Variants in LRMDA observed in about 807,000 individuals in gnomAD.
LRMDA encodes leucine rich melanocyte differentiation associated, also known as leucine-rich melanocyte differentiation-associated protein.
Under a neutral mutation model 29.8 loss-of-function variants are expected in LRMDA, and 18 were observed. That is an observed-to-expected ratio of 0.60 (90% CI 0.42 to 0.90). The LOEUF is 0.90. Among genes scored for constraint, LRMDA ranks in the 40% least tolerant of loss-of-function variants. The probability of loss-of-function intolerance (pLI) is 0.00; values close to 1 mark genes in which losing one functional copy is unlikely to be tolerated. For missense variants in LRMDA, 273 were observed against 273.9 expected (o/e 1.00, Z 0.02); for synonymous variants, 125 against 109.4 (o/e 1.14, Z -0.89).
intron 5 of LRMDA, among the ~76,000 whole-genome samples, chr10:76,169,286 G>A (rs1850793063): frequency 6.6e-6 from 1 of 152,142 alleles, no homozygotes; most frequent in South Asian, 2.1e-4. Context: ...AGGGAATATT[G>A]ACATTTTTGT....
intron 2 of LRMDA, among the ~76,000 whole-genome samples, chr10:76,026,218 G>T (rs190256136): frequency 6.6e-6 from 1 of 152,248 alleles, no homozygotes; most frequent in Non-Finnish European, 1.5e-5. Context: ...GGGTTACAAA[G>T]CTACACACAG....
At chr10:75,622,315 A>ATG (rs1285559457) in intron 2 of LRMDA, among the ~76,000 whole-genome samples, 13 of 77,112 alleles carry the variant, frequency 1.7e-4, no homozygotes, top group Middle Eastern at 6.3e-3. Flanking sequence ...CAGTGAAAAA[A>ATG]TATGATACCC....
chr10:76,251,572 CAT>C (rs1206384798), intron 5 of LRMDA, among the ~76,000 whole-genome samples: 1 of 152,158 alleles, frequency 6.6e-6, no homozygotes, highest in African/African-American at 2.4e-5. Context: ...TTCTAAGTAT[CAT>C]GTGGACATTT....
intron 5 of LRMDA, among the ~76,000 whole-genome samples, chr10:76,072,446 A>G (rs1395240984): frequency 1.3e-5 from 2 of 152,208 alleles, no homozygotes; most frequent in African/African-American, 2.4e-5. Context: ...GGTGCTCAGT[A>G]AAGAGAAACA....
At position 75,532,757 on chromosome 10, in the gene LRMDA, C is replaced by T. The variant is rs1031384489; in HGVS notation, c.131+94263C>T. On this transcript the variant is annotated intron_variant, in intron 2 of 6. Transcript: ENST00000611255. ...CTCAGATCCACTTTGTTAGAAATGTCGATTCCCTGACCCTACCCTAGACCT... is the reference window on the plus strand; with the variant it reads ...CTCAGATCCACTTTGTTAGAAATGTTGATTCCCTGACCCTACCCTAGACCT... Among the ~76,000 whole-genome samples the T allele has an allele frequency of 2.0e-5, 3 of 152,070 alleles. No homozygotes were observed. The East Asian group carries it at 5.8e-4, about 29-fold the overall frequency.
chr10:75,465,875 A>G (rs1308210940), intron 2 of LRMDA, among the ~76,000 whole-genome samples: 2 of 152,222 alleles, frequency 1.3e-5, no homozygotes, highest in Non-Finnish European at 2.9e-5. Context: ...TGCTTAATGA[A>G]ATACTACTTT....
intron 5 of LRMDA, among the ~76,000 whole-genome samples, chr10:76,098,122 T>C (rs989733595): frequency 2.0e-5 from 3 of 152,200 alleles, no homozygotes; most frequent in Admixed American, 2.0e-4. Flanking sequence ...GTCTATAGTT[T>C]TCTTGTGATA....
At chr10:76,097,304 C>T (rs1249579070) in intron 5 of LRMDA, among the ~76,000 whole-genome samples, 1 of 152,206 alleles carries the variant, frequency 6.6e-6, no homozygotes, top group Non-Finnish European at 1.5e-5. Flanking sequence ...AGCCACCGTG[C>T]CCGGCTTCAT....
chr10:75,767,959 G>T (rs1416362424), intron 2 of LRMDA, among the ~76,000 whole-genome samples: 2 of 152,202 alleles, frequency 1.3e-5, no homozygotes. Context: ...TGGCCTTGGA[G>T]ACTGTGGTGA....
At chr10:75,682,266 A>C (rs1842031823) in intron 2 of LRMDA, among the ~76,000 whole-genome samples, 1 of 152,232 alleles carries the variant, frequency 6.6e-6, no homozygotes, top group South Asian at 2.1e-4. Flanking sequence ...AGAATCTGGC[A>C]CACAGTAGAC....
intron 6 of LRMDA, among the ~76,000 whole-genome samples, chr10:76,430,128 T>C (rs1171667724): frequency 5.3e-5 from 8 of 152,340 alleles, no homozygotes; most frequent in African/African-American, 1.9e-4. Flanking sequence ...TTGAGAAATA[T>C]GTCGGAAACA....
At chr10:76,445,919 T>C (rs1221582825) in intron 6 of LRMDA, among the ~76,000 whole-genome samples, 1 of 152,228 alleles carries the variant, frequency 6.6e-6, no homozygotes, top group Non-Finnish European at 1.5e-5. Flanking sequence ...TCATATGGAC[T>C]TCAGATCATT....
At chr10:76,341,297 A>G (rs2132420096) in intron 6 of LRMDA, among the ~76,000 whole-genome samples, 1 of 152,320 alleles carries the variant, frequency 6.6e-6, no homozygotes, top group African/African-American at 2.4e-5. Context: ...TGGAAAAATC[A>G]TAGGCTATGA....
At chr10:76,337,319 C>T (rs569322077) in intron 6 of LRMDA, among the ~76,000 whole-genome samples, 1 of 152,180 alleles carries the variant, frequency 6.6e-6, no homozygotes, top group Non-Finnish European at 1.5e-5. Flanking sequence ...AATAAAACCA[C>T]CACATGGTAT....
intron 6 of LRMDA, among the ~76,000 whole-genome samples, chr10:76,454,949 C>T (rs1842442848): frequency 6.6e-6 from 1 of 152,164 alleles, no homozygotes; most frequent in Non-Finnish European, 1.5e-5. Flanking sequence ...CTCTTTATTC[C>T]ATGTGACTTG....
intron 2 of LRMDA, among the ~76,000 whole-genome samples, chr10:75,928,367 C>A (rs571167909): frequency 6.6e-6 from 1 of 151,694 alleles, no homozygotes; most frequent in African/African-American, 2.4e-5. Context: ...TTGCGTGATA[C>A]AATTTAAAAG....
intron 2 of LRMDA, among the ~76,000 whole-genome samples, chr10:75,694,216 A>G (rs1467754850): frequency 6.6e-6 from 1 of 152,234 alleles, no homozygotes; most frequent in East Asian, 1.9e-4. Context: ...AGTTCTTTGC[A>G]TAAGTGGGTG....
At chr10:76,321,338 A>G (rs1363737320) in intron 5 of LRMDA, among the ~76,000 whole-genome samples, 2 of 152,214 alleles carry the variant, frequency 1.3e-5, no homozygotes, top group African/African-American at 4.8e-5. Context: ...TGTTCTCACT[A>G]GTACCTGCTA....
Position 76,390,944 on chromosome 10 carries a change from T to C in LRMDA, c.601+66459T>C, listed in dbSNP as rs113909400. On this transcript the variant is annotated intron_variant, in intron 6 of 6. Coordinates refer to ENST00000611255, the MANE Select transcript of LRMDA (RefSeq NM_001305581.2). The stretch of plus-strand genomic sequence containing the variant: ...TGTATTCACGTGGAGAGAGTTAGCA[T>C]TCTTGGTTCTAGAGAAAAAGATTTA... Among the ~76,000 whole-genome samples, 687 of 152,318 alleles carry C rather than the reference T, an allele frequency of 4.5e-3. 4 individuals carry two copies. The highest frequency in any genetic ancestry group is 0.016 in the African/African-American group (663 of 41,568).
Sources: gnomAD v4.1 joint callset for allele counts (sites outside exome capture counted in the v4.1 genomes callset) on GRCh38, gnomAD v4.1.1 for gene constraint, MANE v1.5 for transcripts, NCBI Gene and HGNC (gene_info 2026-07-23, HGNC 2026-07-21) for gene names.